Variants in ANKAR observed in about 807,000 individuals in gnomAD.
ANKAR encodes ankyrin and armadillo repeat-containing protein.
A neutral mutation model predicts 146.2 loss-of-function variants in ANKAR; 136 were observed. The ratio of observed to expected loss-of-function variants is 0.93; its 90% CI spans 0.81 to 1.07. ANKAR has a LOEUF of 1.07. ANKAR is among the 50% of genes least tolerant of loss of function. The pLI is 0.00. For synonymous variants in ANKAR, 500 were observed against 575.8 expected, an observed-to-expected ratio of 0.87 and a Z score of 1.88; for missense variants, 1,567 against 1,679.9, an observed-to-expected ratio of 0.93 and a Z score of 1.18.
At chr2:189,684,454 A>AAAATTGTG (rs1213190694) in intron 2 of ANKAR, among the ~76,000 whole-genome samples, 1 of 152,176 alleles carries the variant, frequency 6.6e-6, no homozygotes, top group East Asian at 1.9e-4. Flanking sequence ...GAGAGCACAG[A>AAAATTGTG]AAATTGTGTC....
intron 11 of ANKAR, 67 bp from the exon 12 acceptor site, chr2:189,720,552 T>G: frequency 3.4e-6 from 4 of 1,178,952 alleles, no homozygotes; most frequent in Non-Finnish European, 4.4e-6. Flanking sequence ...GGCCAACTTG[T>G]ATTTCTAAAT....
chr2:189,732,890 C>T (rs1480167784), intron 16 of ANKAR, among the ~76,000 whole-genome samples: 1 of 151,874 alleles, frequency 6.6e-6, no homozygotes, highest in African/African-American at 2.4e-5. Flanking sequence ...GTGGTTGGTC[C>T]CTGAACACAG....
intron 2 of ANKAR, among the ~76,000 whole-genome samples, chr2:189,680,858 C>G (rs1381037613): frequency 1.3e-5 from 2 of 152,192 alleles, no homozygotes; most frequent in East Asian, 3.9e-4. Flanking sequence ...ATCATATGAT[C>G]TATCTTGGAG....
chr2:189,758,166 T>C (rs1204299217), intron 18 of ANKAR, among the ~76,000 whole-genome samples: 1 of 152,134 alleles, frequency 6.6e-6, no homozygotes, highest in Non-Finnish European at 1.5e-5. Flanking sequence ...GTGGATCACT[T>C]GAGGTCGGGA....
chr2:189,693,108 A>C lies in ANKAR; in HGVS notation c.1238A>C (p.Asn413Thr). Residue 413 changes from asparagine to threonine, a missense_variant, in exon 5 of 23, where the codon AAT becomes ACT. Physicochemically the swap from Asn to Thr is moderately conservative, Grantham distance 65. Transcript: ENST00000684021. ...GAAAAAATACGAGATTGTGCTGCTA[A>C]TACATTTATAGAAGATTCAGGATAT... Reference protein sequence around the residue: ...NLEKIRDCAANTFIEDSGYKE... With the variant: ...NLEKIRDCAATTFIEDSGYKE... 1 of 1,551,204 alleles carries C rather than the reference A, an allele frequency of 6.4e-7. No homozygotes were observed. The highest frequency in any genetic ancestry group is 2.3e-5 in the East Asian group (1 of 44,086).
At position 189,722,693 on chromosome 2, in the gene ANKAR, C is replaced by T. The variant is rs551762484; in HGVS notation, c.2635+1906C>T. Among the ~76,000 whole-genome samples, 1,022 of 151,992 alleles carry T rather than the reference C, an allele frequency of 6.7e-3. 4 individuals carry two copies. Among genetic ancestry groups the T allele is most frequent in the Non-Finnish European group, 0.01 (685 of 67,974 alleles). On this transcript the variant is annotated intron_variant, in intron 12 of 22. Transcript: ENST00000684021. ...GTCAGGAGATCAAGACCATCCTGGC[C>T]AACATGGTGAAAACCTGTCTCTACT...
Position 189,689,642 on chromosome 2 carries a change from T to C in ANKAR, c.717T>C (p.Tyr239=), listed in dbSNP as rs1284461385. 2 of 1,613,762 alleles carry C rather than the reference T, an allele frequency of 1.2e-6. No individual in the cohort carries two copies. The highest frequency in any genetic ancestry group is 1.7e-6 in the Non-Finnish European group (2 of 1,179,784). ...SPEETAVFMK[Y]AENIMLKLTF... ...AAGAAACAGCTGTATTTATGAAATA[T>C]GCTGAAAATATTATGCTAAAGTTAA... The change falls in exon 3 of 23, where the codon TAT becomes TAC. Residue 239 remains tyrosine, a synonymous_variant. Coordinates refer to ENST00000684021, the MANE Select transcript of ANKAR (RefSeq NM_001378068.1).
At chr2:189,737,544 C>T in intron 17 of ANKAR, 139 bp from the exon 18 acceptor site, 3 of 708,774 alleles carry the variant, frequency 4.2e-6, no homozygotes, top group Non-Finnish European at 6.5e-6. Context: ...TAACTATTAT[C>T]TCTTTTCCCT....
chr2:189,703,341 G>C (rs2038361164), intron 7 of ANKAR, among the ~76,000 whole-genome samples: 2 of 152,146 alleles, frequency 1.3e-5, no homozygotes, highest in East Asian at 3.9e-4. Flanking sequence ...TGGTAGAGAT[G>C]GGTTCTAGAG....
intron 18 of ANKAR, among the ~76,000 whole-genome samples, chr2:189,760,110 G>A (rs551974622): frequency 1.8e-3 from 279 of 152,298 alleles, no homozygotes; most frequent in African/African-American, 6.3e-3. Flanking sequence ...CAAGGCAGAA[G>A]GATTTTTCTT....
chr2:189,697,219 C>T (rs1208599721), intron 7 of ANKAR, among the ~76,000 whole-genome samples: 3 of 151,250 alleles, frequency 2.0e-5, no homozygotes, highest in African/African-American at 7.3e-5. Flanking sequence ...AACGAGACCC[C>T]CTGCCCATAA....
chr2:189,727,638 A>C (rs1412099873), intron 12 of ANKAR, among the ~76,000 whole-genome samples: 1 of 152,018 alleles, frequency 6.6e-6, no homozygotes, highest in Non-Finnish European at 1.5e-5. Flanking sequence ...TAACTATCTA[A>C]ATCTATCTTC....
intron 9 of ANKAR, among the ~76,000 whole-genome samples, chr2:189,707,473 A>AAAG (rs1553518435): frequency 9.4e-5 from 14 of 149,166 alleles, no homozygotes; most frequent in African/African-American, 3.4e-4. Context: ...AAAAAAAAAA[A>AAAG]AAGGAAAGAG....
Position 189,728,333 on chromosome 2 carries a change from A to G in ANKAR, c.2944A>G (p.Lys982Glu). 1 of 1,613,536 alleles carries G rather than the reference A, an allele frequency of 6.2e-7. No individual in the cohort carries two copies. Among genetic ancestry groups the G allele is most frequent in the Non-Finnish European group, 8.5e-7 (1 of 1,179,836 alleles). Reference sequence around the variant, plus strand: ...TTGGGCCTTGGCAGGACAAACACTAAAACAACAAAAATATATGGCAGAACA... The same window carrying G: ...TTGGGCCTTGGCAGGACAAACACTAGAACAACAAAAATATATGGCAGAACA... ...ALWALAGQTL[K>E]QQKYMAEQIG... Residue 982 changes from lysine (K) to glutamate (E), a missense_variant, in exon 14 of 23, where the codon AAA (lysine) becomes GAA (glutamate). Transcript: ENST00000684021.
At position 189,746,443 on chromosome 2, in the gene ANKAR, C is replaced by T. The variant is rs1311325489; in HGVS notation, c.4121C>T (p.Pro1374Leu). Residue 1374 changes from proline to leucine, a missense_variant, in exon 23 of 23, where the codon CCT becomes CTT. Transcript: ENST00000684021. ...CCAAAAGATTCTTTGACTTTATTAC[C>T]TCCTGTAACTAACTTCATGGGACTC... ...IQPKDSLTLL[P>L]PVTNFMGLFK... 6 of 1,611,590 alleles carry T rather than the reference C, an allele frequency of 3.7e-6. No homozygotes were observed. The highest frequency in any genetic ancestry group is 4.2e-6 in the Non-Finnish European group (5 of 1,179,298).
chr2:189,686,937 T>G (rs547767047), intron 2 of ANKAR, among the ~76,000 whole-genome samples: 1 of 152,336 alleles, frequency 6.6e-6, no homozygotes, highest in African/African-American at 2.4e-5. Flanking sequence ...GGAGTATCCT[T>G]CACCTCACAA....
At position 189,730,776 on chromosome 2, in the gene ANKAR, G is replaced by A. The variant is rs923356119; in HGVS notation, c.3300+175G>A. 1.3e-4 allele frequency among the ~76,000 whole-genome samples: 20 copies of A among 152,080 alleles called. No individual in the cohort carries two copies. The East Asian group carries it at 2.5e-3, about 19-fold the overall frequency. On this transcript the variant is annotated intron_variant, in intron 16 of 22. Transcript: ENST00000684021. ...AAAAATAAAAATAAACAAAATCCTAGAAGTTTTAAAAAGGTTGCTGCAAAC... is the reference window on the plus strand; with the variant it reads ...AAAAATAAAAATAAACAAAATCCTAAAAGTTTTAAAAAGGTTGCTGCAAAC...
intron 22 of ANKAR, among the ~76,000 whole-genome samples, chr2:189,745,027 C>CTACTACTACTAATAA (rs376824673): frequency 6.9e-5 from 9 of 131,098 alleles, no homozygotes; most frequent in African/African-American, 2.0e-4. Flanking sequence ...ACTACTACTA[C>CTACTACTACTAATAA]TAATAATACA....
In ANKAR at chr2:189,693,139, A is replaced by G; in HGVS notation, c.1269A>G (p.Glu423=). ...NTFIEDSGYK[E]YYSIPVMEFH... ...TTATAGAAGATTCAGGATATAAAGAATATTACTCAATACCAGTCATGGAAT... is the reference window on the plus strand; with the variant it reads ...TTATAGAAGATTCAGGATATAAAGAGTATTACTCAATACCAGTCATGGAAT... Residue 423 remains glutamate, a synonymous_variant, in exon 5 of 23, where the codon GAA becomes GAG. Transcript: ENST00000684021. The G allele has an allele frequency of 6.4e-7, 1 of 1,560,152 alleles. No individual in the cohort carries two copies. Among genetic ancestry groups the G allele is most frequent in the Non-Finnish European group, 8.7e-7 (1 of 1,149,570 alleles).
Sources: allele counts gnomAD v4.1 joint callset (sites outside exome capture counted in the v4.1 genomes callset), GRCh38; gene constraint gnomAD v4.1.1; transcripts MANE v1.5; gene names NCBI Gene and HGNC (gene_info 2026-07-23, HGNC 2026-07-21).